Variants in RAB3GAP2 observed in about 807,000 individuals in gnomAD.
The protein encoded by RAB3GAP2 is rab3 GTPase-activating protein non-catalytic subunit.
A neutral mutation model predicts 185.3 loss-of-function variants in RAB3GAP2; 87 were observed. That is an observed-to-expected ratio of 0.47 (90% CI 0.39 to 0.56). The LOEUF (loss-of-function observed/expected upper bound fraction) is 0.56. Among genes scored for constraint, RAB3GAP2 ranks in the 20% least tolerant of loss-of-function variants. The probability of loss-of-function intolerance (pLI) is 0.00; values close to 1 mark genes in which losing one functional copy is unlikely to be tolerated. For synonymous variants in RAB3GAP2, 554 were observed against 576.1 expected, an observed-to-expected ratio of 0.96 and a Z score of 0.55; for missense variants, 1,492 against 1,638.2, an observed-to-expected ratio of 0.91 and a Z score of 1.54.
chr1:220,269,476 C>A (rs1351103391), intron 1 of RAB3GAP2, among the ~76,000 whole-genome samples: 1 of 152,210 alleles, frequency 6.6e-6, no homozygotes, highest in Non-Finnish European at 1.5e-5. Flanking sequence ...GTAATCCCAG[C>A]ACTTTGGGAG....
chr1:220,181,052 A>G (rs183431090), intron 21 of RAB3GAP2, among the ~76,000 whole-genome samples: 1 of 152,336 alleles, frequency 6.6e-6, no homozygotes, highest in East Asian at 1.9e-4. Flanking sequence ...CATTGCAGAA[A>G]GTATTATAAG....
chr1:220,167,235 T>C, intron 26 of RAB3GAP2, 58 bp downstream of exon 26: 2 of 1,452,310 alleles, frequency 1.4e-6, no homozygotes, highest in South Asian at 1.2e-5. Flanking sequence ...GGTCCCCATA[T>C]ATGAATAGCA....
chr1:220,153,044 T>G, intron 33 of RAB3GAP2, 141 bp downstream of exon 33: 1 of 705,066 alleles, frequency 1.4e-6, no homozygotes, highest in Non-Finnish European at 2.5e-6. Flanking sequence ...TTTTAAAAAA[T>G]ATTCTATTGT....
At chr1:220,233,285 C>A (rs994657581) in intron 1 of RAB3GAP2, among the ~76,000 whole-genome samples, 1 of 152,254 alleles carries the variant, frequency 6.6e-6, no homozygotes. Flanking sequence ...AAAAAAGTAA[C>A]TTGCTTTTTG....
intron 24 of RAB3GAP2, among the ~76,000 whole-genome samples, chr1:220,169,905 A>C (rs949573565): frequency 6.6e-6 from 1 of 152,228 alleles, no homozygotes; most frequent in Non-Finnish European, 1.5e-5. Context: ...TTGACCCAGC[A>C]ATCCCATTAC....
intron 1 of RAB3GAP2, among the ~76,000 whole-genome samples, chr1:220,256,059 C>T (rs1183304045): frequency 6.6e-6 from 1 of 152,168 alleles, no homozygotes. Context: ...CAAAAGGAAA[C>T]CCATTAGACT....
intron 1 of RAB3GAP2, among the ~76,000 whole-genome samples, chr1:220,248,106 CA>C (rs906788437): frequency 6.6e-6 from 1 of 151,326 alleles, no homozygotes; most frequent in Non-Finnish European, 1.5e-5. Flanking sequence ...ATATGAGAAG[CA>C]AAAAACTTTG....
rs574186895 is a variant in RAB3GAP2 at position 220,154,089 on chromosome 1, G to A, written c.3556-32C>T. 4 of 1,611,208 alleles carry A rather than the reference G, an allele frequency of 2.5e-6. No homozygotes were observed. The South Asian group carries it at 4.4e-5, about 18-fold the overall frequency. On this transcript the variant is annotated intron_variant, in intron 31 of 34. Transcript: ENST00000358951. ...AGAAAGAGAGCAAGAAAACTGATGA[G>A]TGTGGATTATTAAGGGGGGAGAGGG...
At chr1:220,271,320 C>T (rs1347718610) in intron 1 of RAB3GAP2, 2 of 151,840 alleles carry the variant, frequency 1.3e-5, no homozygotes, top group Non-Finnish European at 2.9e-5. Flanking sequence ...ACTACAAAGC[C>T]AAATGTGCTT....
At chr1:220,167,755 C>A in intron 24 of RAB3GAP2, 80 bp from the exon 25 acceptor site, 1 of 1,396,438 alleles carries the variant, frequency 7.2e-7, no homozygotes, top group Non-Finnish European at 1.0e-6. Flanking sequence ...AATTTCCTTA[C>A]GAAGAGATCT....
At chr1:220,231,930 CA>C (rs1419519124) in intron 2 of RAB3GAP2, among the ~76,000 whole-genome samples, 3 of 152,182 alleles carry the variant, frequency 2.0e-5, no homozygotes, top group Non-Finnish European at 4.4e-5. Flanking sequence ...CCTGATCAAC[CA>C]ACCCAGGATT....
At chr1:220,172,123 C>A in intron 22 of RAB3GAP2, 74 bp from the exon 23 acceptor site, 3 of 1,480,776 alleles carry the variant, frequency 2.0e-6, no homozygotes, top group Non-Finnish European at 2.8e-6. Context: ...TTATGTTAAA[C>A]ATAATGTTAA....
intron 1 of RAB3GAP2, among the ~76,000 whole-genome samples, chr1:220,260,637 G>C (rs979129230): frequency 6.6e-6 from 1 of 152,012 alleles, no homozygotes; most frequent in Non-Finnish European, 1.5e-5. Flanking sequence ...ATAGCTAATG[G>C]ATGCTGGGCT....
chr1:220,208,424 G>T (rs1234145462), intron 7 of RAB3GAP2: 5 of 152,144 alleles, frequency 3.3e-5, no homozygotes, highest in African/African-American at 1.2e-4. Context: ...TTACTTGAAA[G>T]AATTCATTCA....
chr1:220,202,259 G>A lies in RAB3GAP2; in HGVS notation c.811+17C>T, dbSNP rs552389859. On this transcript the variant is annotated intron_variant, in intron 9 of 34. Coordinates refer to ENST00000358951, the MANE Select transcript of RAB3GAP2 (RefSeq NM_012414.4). ...TAAGAAGTAAATTCCAAGAGAATTTGAATTAGTAATACTTACCAACACTAG... is the reference window on the plus strand; with the variant it reads ...TAAGAAGTAAATTCCAAGAGAATTTAAATTAGTAATACTTACCAACACTAG... The A allele has an allele frequency of 3.7e-5, 60 of 1,609,456 alleles. No homozygotes were observed. In the South Asian group the frequency reaches 6.2e-4, roughly 17 times the overall value.
At chr1:220,219,154 A>G (rs1367822390) in intron 2 of RAB3GAP2, among the ~76,000 whole-genome samples, 1 of 152,186 alleles carries the variant, frequency 6.6e-6, no homozygotes, top group Non-Finnish European at 1.5e-5. Flanking sequence ...CTTTTAATAA[A>G]TCTACAAATT....
intron 2 of RAB3GAP2, among the ~76,000 whole-genome samples, chr1:220,231,738 TAAGA>T (rs1659504418): frequency 6.6e-6 from 1 of 152,216 alleles, no homozygotes. Context: ...TAGAGACGTC[TAAGA>T]AAGTAGCTCC....
Position 220,164,814 on chromosome 1 carries a change from G to C in RAB3GAP2, c.3088-15C>G. On this transcript the variant is annotated splice_polypyrimidine_tract_variant and intron_variant, in intron 26 of 34. Coordinates refer to ENST00000358951, the MANE Select transcript of RAB3GAP2 (RefSeq NM_012414.4). ...AAACGTGCTTCCTTACATACAGGGA[G>C]AAAAAAACGAGAAAGAAAAAGAGGT... 1 of 1,600,526 alleles carries C rather than the reference G, an allele frequency of 6.2e-7. No individual in the cohort carries two copies. The highest frequency in any genetic ancestry group is 8.5e-7 in the Non-Finnish European group (1 of 1,171,546).
intron 31 of RAB3GAP2, 133 bp downstream of exon 31, chr1:220,157,137 T>G: frequency 1.3e-6 from 1 of 786,358 alleles, no homozygotes; most frequent in Non-Finnish European, 2.2e-6. Context: ...AAGCAGGGAA[T>G]GAGGGAGTTG....
Sources: gnomAD v4.1 joint callset for allele counts (sites outside exome capture counted in the v4.1 genomes callset) on GRCh38, gnomAD v4.1.1 for gene constraint, MANE v1.5 for transcripts, NCBI Gene and HGNC (gene_info 2026-07-23, HGNC 2026-07-21) for gene names.